The following RNFT2 variants were observed in gnomAD, a reference collection of about 807,000 sequenced individuals.
The protein encoded by RNFT2 is ring finger protein, transmembrane 2.
A neutral mutation model predicts 53.0 loss-of-function variants in RNFT2; 36 were observed. The ratio of observed to expected loss-of-function variants is 0.68; its 90% CI spans 0.52 to 0.90. The LOEUF is 0.90. RNFT2 is among the 40% of genes least tolerant of loss of function. The pLI, the probability that RNFT2 is intolerant of heterozygous loss-of-function variation, is 0.00. For missense variants in RNFT2, 514 were observed against 585.6 expected (o/e 0.88, Z 1.26); for synonymous variants, 260 against 253.2 (o/e 1.03, Z -0.26).
chr12:116,746,914 A>G (rs1473252220), intron 3 of RNFT2, among the ~76,000 whole-genome samples: 1 of 152,164 alleles, frequency 6.6e-6, no homozygotes. Context: ...CCCCACGGAT[A>G]TGATAATATG....
intron 10 of RNFT2, among the ~76,000 whole-genome samples, chr12:116,843,037 C>G (rs1877430002): frequency 6.6e-6 from 1 of 152,180 alleles, no homozygotes; most frequent in African/African-American, 2.4e-5. Context: ...AGCCTCTTCT[C>G]TCACATTGGG....
At position 116,852,320 on chromosome 12, in the gene RNFT2, C is replaced by T. The variant is rs1877966611; in HGVS notation, c.*2872C>T. The T allele has an allele frequency of 8.0e-7, 1 of 1,249,632 alleles. No individual in the cohort carries two copies. Among genetic ancestry groups the T allele is most frequent in the African/African-American group, 1.5e-5 (1 of 66,576 alleles). 77.4% of individuals were successfully genotyped at this position (1,249,632 alleles called of 1,614,324 possible). On this transcript the variant is annotated 3_prime_UTR_variant, in exon 11 of 11. Transcript: ENST00000257575. ...TCAGCCAGTATTAACATGTCCCCTT[C>T]CCCCTGCCCCGCCGTAGATTCAGGA...
At chr12:116,771,490 A>T (rs373915598) in intron 6 of RNFT2, among the ~76,000 whole-genome samples, 86,401 of 106,996 alleles carry the variant, frequency 0.81, 36,568 homozygotes, top group Non-Finnish European at 0.91. Flanking sequence ...AAAAAAAAAA[A>T]AAAAATACGT....
chr12:116,815,463 G>A (rs1477737847), intron 7 of RNFT2, among the ~76,000 whole-genome samples: 2 of 152,124 alleles, frequency 1.3e-5, no homozygotes, highest in African/African-American at 2.4e-5. Flanking sequence ...CCATTTTCTT[G>A]TCTTTTCTAG....
At chr12:116,831,209 A>G (rs113983803) in intron 7 of RNFT2, among the ~76,000 whole-genome samples, 3 of 151,240 alleles carry the variant, frequency 2.0e-5, no homozygotes, top group South Asian at 2.1e-4. Flanking sequence ...AAAAAAAAAA[A>G]AGAGAGAGAG....
At chr12:116,847,196 C>G (rs1220174838) in intron 10 of RNFT2, among the ~76,000 whole-genome samples, 1 of 152,094 alleles carries the variant, frequency 6.6e-6, no homozygotes, top group Non-Finnish European at 1.5e-5. Flanking sequence ...GTGTAAGCCA[C>G]TGTGCCTGGC....
chr12:116,818,605 T>C (rs1192817973), intron 7 of RNFT2, among the ~76,000 whole-genome samples: 4 of 152,222 alleles, frequency 2.6e-5, no homozygotes, highest in African/African-American at 9.6e-5. Context: ...CAACTGGGTT[T>C]GATGGCGACC....
intron 6 of RNFT2, among the ~76,000 whole-genome samples, chr12:116,777,982 G>A (rs920557167): frequency 3.9e-5 from 6 of 152,142 alleles, no homozygotes; most frequent in East Asian, 1.9e-4. Context: ...CAGGACAGTC[G>A]TGAGGATTAG....
At chr12:116,786,311 A>T (rs948897408) in intron 7 of RNFT2, among the ~76,000 whole-genome samples, 2 of 152,060 alleles carry the variant, frequency 1.3e-5, no homozygotes, top group Admixed American at 1.3e-4. Context: ...TAGTTTGACC[A>T]TATTGGCCAG....
chr12:116,749,284 C>G (rs1016195907), intron 3 of RNFT2, among the ~76,000 whole-genome samples: 1 of 41,468 alleles, frequency 2.4e-5, no homozygotes, highest in Non-Finnish European at 5.6e-5. Flanking sequence ...CTCTTTCCCC[C>G]CCCACCACCC....
intron 7 of RNFT2, among the ~76,000 whole-genome samples, chr12:116,807,219 T>A (rs1412891617): frequency 2.0e-5 from 3 of 152,108 alleles, no homozygotes; most frequent in African/African-American, 7.2e-5. Flanking sequence ...GACTGGAAGC[T>A]CAGCAAGGTG....
Position 116,750,326 on chromosome 12 carries a change from G to C in RNFT2, c.550+19G>C. The C allele has an allele frequency of 1.3e-6, 2 of 1,580,956 alleles. No homozygotes were observed. Among genetic ancestry groups the C allele is most frequent in the African/African-American group, 2.7e-5 (2 of 74,428 alleles). On this transcript the variant is annotated intron_variant, in intron 4 of 10. Transcript: ENST00000257575. ...AAGCTCGGTGAGTTCTGGGGGCATG[G>C]GTGTCCTAGCCATGGGCTTCACAGG... is the stretch of plus-strand genomic sequence containing the variant.
chr12:116,766,125 T>G (rs142515924), intron 5 of RNFT2, among the ~76,000 whole-genome samples: 3,664 of 152,178 alleles, frequency 0.024, 126 homozygotes, highest in African/African-American at 0.082. Flanking sequence ...ATAAAAATTT[T>G]TTTTTAATTA....
At chr12:116,776,881 C>T (rs994504146) in intron 6 of RNFT2, among the ~76,000 whole-genome samples, 32 of 151,246 alleles carry the variant, frequency 2.1e-4, no homozygotes, top group Admixed American at 2.1e-3. Flanking sequence ...GTGACTCCAC[C>T]TCTTAGTGCC....
intron 7 of RNFT2, among the ~76,000 whole-genome samples, chr12:116,790,562 G>A (rs1416224721): frequency 6.6e-6 from 1 of 152,228 alleles, no homozygotes; most frequent in Non-Finnish European, 1.5e-5. Context: ...ACATGGGCAG[G>A]CAGGGCTCTA....
intron 7 of RNFT2, among the ~76,000 whole-genome samples, chr12:116,809,416 C>T (rs943830545): frequency 7.9e-5 from 12 of 152,102 alleles, no homozygotes; most frequent in African/African-American, 1.7e-4. Context: ...CTTTGAAGTC[C>T]GAGAAGATCC....
At chr12:116,785,610 T>G (rs1245670998) in intron 7 of RNFT2, among the ~76,000 whole-genome samples, 1 of 152,114 alleles carries the variant, frequency 6.6e-6, no homozygotes, top group Non-Finnish European at 1.5e-5. Flanking sequence ...AAAAGTCTGT[T>G]TGGCCCACCA....
chr12:116,740,518 T>A lies in RNFT2; in HGVS notation c.21T>A (p.Asn7Lys). The change falls in exon 2 of 11, where the codon AAT becomes AAA. Residue 7 changes from asparagine to lysine, a missense_variant. Around this residue, in one of 3 missense-constraint regions of RNFT2, gnomAD observed 237 missense variants for 235.1 expected, o/e 1.01. Transcript: ENST00000257575. The part of the protein sequence containing the change: MWLFTV[N>K]QVLRKMQRRH... ...AGTCCATGTGGCTCTTCACAGTGAA[T>A]CAGGTGACACGTCTCCAAGAGAATT... The A allele has an allele frequency of 6.4e-7, 1 of 1,572,142 alleles. No individual in the cohort carries two copies. Among genetic ancestry groups the A allele is most frequent in the Non-Finnish European group, 8.6e-7 (1 of 1,157,430 alleles).
intron 7 of RNFT2, among the ~76,000 whole-genome samples, chr12:116,788,305 T>G (rs1020479160): frequency 2.0e-5 from 3 of 152,216 alleles, no homozygotes; most frequent in Non-Finnish European, 4.4e-5. Flanking sequence ...TATCCCATTT[T>G]CCAGATGAGA....
Sources: allele counts gnomAD v4.1 joint callset (sites outside exome capture counted in the v4.1 genomes callset), GRCh38; gene constraint gnomAD v4.1.1; regional missense constraint gnomAD v4.1.1; transcripts MANE v1.5; gene names NCBI Gene and HGNC (gene_info 2026-07-23, HGNC 2026-07-21).